Variants in LRRC28 observed in about 807,000 individuals in gnomAD.
LRRC28 encodes the protein leucine-rich repeat-containing protein 28.
A neutral mutation model predicts 45.7 loss-of-function variants in LRRC28; 39 were observed. That is an observed-to-expected ratio of 0.85 (90% CI 0.66 to 1.12). The LOEUF (loss-of-function observed/expected upper bound fraction) is 1.12, where lower values mean the gene tolerates loss of function less well. LRRC28 is among the 50% of genes most tolerant of loss of function. LRRC28 has a pLI of 0.00. For missense variants in LRRC28, 435 were observed against 438.5 expected, an observed-to-expected ratio of 0.99 and a Z score of 0.07; for synonymous variants, 206 against 178.8, an observed-to-expected ratio of 1.15 and a Z score of -1.22.
At chr15:99,330,281 C>A (rs1365892327) in intron 5 of LRRC28, among the ~76,000 whole-genome samples, 4 of 151,952 alleles carry the variant, frequency 2.6e-5, no homozygotes, top group Non-Finnish European at 5.9e-5. Context: ...TTTAAGTTTT[C>A]TATATTCTTA....
intron 1 of LRRC28, among the ~76,000 whole-genome samples, chr15:99,252,647 G>A (rs914205708): frequency 2.6e-5 from 4 of 152,228 alleles, no homozygotes; most frequent in African/African-American, 9.7e-5. Flanking sequence ...GTAAAGATTA[G>A]ACATCCTTGT....
intron 5 of LRRC28, chr15:99,331,846 G>A (rs2152291590): frequency 6.6e-6 from 1 of 152,348 alleles, no homozygotes; most frequent in Non-Finnish European, 1.5e-5. Flanking sequence ...TGCTGGGAAT[G>A]CTTTATGCAT....
intron 5 of LRRC28, among the ~76,000 whole-genome samples, chr15:99,319,191 T>A (rs1230967578): frequency 1.3e-5 from 2 of 152,120 alleles, no homozygotes; most frequent in Non-Finnish European, 2.9e-5. Context: ...ATACCAACAA[T>A]AGACACCTAG....
chr15:99,290,736 G>A (rs1438736739), intron 5 of LRRC28, among the ~76,000 whole-genome samples: 6 of 151,906 alleles, frequency 3.9e-5, no homozygotes, highest in African/African-American at 9.7e-5. Flanking sequence ...GATCAGGATC[G>A]CTTGAAGCCA....
intron 3 of LRRC28, among the ~76,000 whole-genome samples, chr15:99,286,394 G>T (rs2081960608): frequency 6.6e-6 from 1 of 152,194 alleles, no homozygotes; most frequent in South Asian, 2.1e-4. Context: ...GCCTCCCAAA[G>T]TGCTGGGATT....
intron 5 of LRRC28, among the ~76,000 whole-genome samples, chr15:99,309,926 C>T (rs1021335575): frequency 2.0e-5 from 3 of 152,192 alleles, no homozygotes; most frequent in Non-Finnish European, 4.4e-5. Context: ...AAAACCATTT[C>T]CCACTAAAAT....
At chr15:99,359,549 G>A (rs1413788250) in intron 7 of LRRC28, among the ~76,000 whole-genome samples, 1 of 152,142 alleles carries the variant, frequency 6.6e-6, no homozygotes, top group African/African-American at 2.4e-5. Context: ...GGAAATGGAT[G>A]CTTTCTTACC....
intron 3 of LRRC28, among the ~76,000 whole-genome samples, chr15:99,279,089 T>C (rs1450821712): frequency 3.3e-5 from 5 of 152,246 alleles, no homozygotes; most frequent in Non-Finnish European, 7.3e-5. Context: ...TAATCACTAA[T>C]GTACTTTCCG....
chr15:99,303,880 A>C (rs1955078472), intron 5 of LRRC28, among the ~76,000 whole-genome samples: 1 of 152,116 alleles, frequency 6.6e-6, no homozygotes, highest in Non-Finnish European at 1.5e-5. Context: ...AGGCAAAGCT[A>C]GTTTTCTCAA....
chr15:99,352,576 T>G, intron 7 of LRRC28, 105 bp downstream of exon 7: 2 of 840,550 alleles, frequency 2.4e-6, no homozygotes, highest in Non-Finnish European at 3.7e-6. Context: ...CAGGTATCCT[T>G]AGAAACTAAG....
Position 99,390,494 on chromosome 15 carries a change from A to AT in LRRC28, c.*4397dup, listed in dbSNP as rs1567726969. The stretch of plus-strand genomic sequence containing the variant: ...ATATCAGGTTTTGTTTCTTATTGTG[A>AT]TTTTTGAGTCTAAATGATCCAAGAT... On this transcript the variant is annotated 3_prime_UTR_variant, in exon 10 of 10. Coordinates refer to ENST00000301981, the MANE Select transcript of LRRC28 (RefSeq NM_144598.5). 3.3e-5 allele frequency: 5 copies of AT among 152,174 alleles called. No individual in the cohort carries two copies. 9.4% of individuals were successfully genotyped at this position (152,174 alleles called of 1,614,324 possible). A position where few individuals can be genotyped will look rare whatever the true frequency, so the allele number is the denominator to read the frequency against.
intron 5 of LRRC28, among the ~76,000 whole-genome samples, chr15:99,314,111 T>C (rs376676116): frequency 6.6e-6 from 1 of 152,218 alleles, no homozygotes; most frequent in South Asian, 2.1e-4. Flanking sequence ...TAGGCTGCTA[T>C]TCTTCCAAAA....
At chr15:99,336,099 A>G (rs983317451) in intron 6 of LRRC28, among the ~76,000 whole-genome samples, 2 of 152,212 alleles carry the variant, frequency 1.3e-5, no homozygotes, top group African/African-American at 4.8e-5. Flanking sequence ...TCCATGTGCA[A>G]TAATGGTATT....
chr15:99,320,209 G>GT (rs1955746549), intron 5 of LRRC28, among the ~76,000 whole-genome samples: 1 of 152,048 alleles, frequency 6.6e-6, no homozygotes, highest in African/African-American at 2.4e-5. Context: ...ATTTTTTTAA[G>GT]TTCTTCTTGT....
In LRRC28 at chr15:99,333,903, A is replaced by G. The variant is rs148635767; in HGVS notation, c.386-20A>G. On this transcript the variant is annotated intron_variant, in intron 5 of 9. Coordinates refer to ENST00000301981, the MANE Select transcript of LRRC28 (RefSeq NM_144598.5). ...AGTTCATAAGGATGCAATTTATCCTAATTTTGATTTTGGTTGTAGAGGTTG... is the reference window on the plus strand; with the variant it reads ...AGTTCATAAGGATGCAATTTATCCTGATTTTGATTTTGGTTGTAGAGGTTG... 1.2e-6 allele frequency: 2 copies of G among 1,612,352 alleles called. No homozygotes were observed. The highest frequency in any genetic ancestry group is 3.3e-5 in the Admixed American group (2 of 59,944).
intron 5 of LRRC28, among the ~76,000 whole-genome samples, chr15:99,324,261 G>A (rs1454932002): frequency 6.6e-6 from 1 of 152,110 alleles, no homozygotes; most frequent in Non-Finnish European, 1.5e-5. Flanking sequence ...GCTCAAAATG[G>A]CATGAAATTT....
At chr15:99,277,598 A>T (rs1000081387) in intron 3 of LRRC28, among the ~76,000 whole-genome samples, 1 of 152,198 alleles carries the variant, frequency 6.6e-6, no homozygotes, top group African/African-American at 2.4e-5. Context: ...ATGTATTTTA[A>T]AAGTAGATGT....
chr15:99,379,403 T>C (rs554003299), intron 9 of LRRC28, among the ~76,000 whole-genome samples: 1 of 152,344 alleles, frequency 6.6e-6, no homozygotes, highest in East Asian at 1.9e-4. Context: ...TTATCATTTT[T>C]TATTGCATCT....
chr15:99,352,090 C>A (rs1956898690), intron 6 of LRRC28, among the ~76,000 whole-genome samples: 1 of 152,162 alleles, frequency 6.6e-6, no homozygotes, highest in Non-Finnish European at 1.5e-5. Flanking sequence ...ACTGACTTAG[C>A]AGAGTTCTTT....
Sources: gnomAD v4.1 joint callset for allele counts (sites outside exome capture counted in the v4.1 genomes callset) on GRCh38, gnomAD v4.1.1 for gene constraint, MANE v1.5 for transcripts, NCBI Gene and HGNC (gene_info 2026-07-23, HGNC 2026-07-21) for gene names.